TYR: variants seen among roughly 807,000 people sequenced by gnomAD.
TYR encodes the protein tyrosinase, also known as LB24-AB.
A neutral mutation model predicts 51.5 loss-of-function variants in TYR; 58 were observed. That is an observed-to-expected ratio of 1.13 (90% confidence interval 0.91 to 1.40). The LOEUF (loss-of-function observed/expected upper bound fraction) is 1.40, where lower values mean the gene tolerates loss of function less well. Ranked by LOEUF, TYR falls within the 40% of genes most tolerant of loss-of-function variation. TYR has a pLI of 0.00. For missense variants in TYR, 732 were observed against 647.4 expected (o/e 1.13, Z -1.42); for synonymous variants, 263 against 235.2 (o/e 1.12, Z -1.08).
In TYR at chr11:89,295,255, AGGGCTT is replaced by A; in HGVS notation, c.1481_1486del (p.Gly494_Leu495del). ...GGGCCGTCCTCACTGCCCTGCTGGC[AGGGCTT>A]GTGAGCTTGCTGTGTCGTCACAAGA... On this transcript the variant is annotated inframe_deletion, in exon 5 of 5. Transcript: ENST00000263321. 2 of 1,613,946 alleles carry A rather than the reference AGGGCTT, an allele frequency of 1.2e-6. No individual in the cohort carries two copies. The highest frequency in any genetic ancestry group is 1.7e-6 in the Non-Finnish European group (2 of 1,179,848).
At chr11:89,213,289 A>T (rs1356499548) in intron 2 of TYR, among the ~76,000 whole-genome samples, 1 of 152,210 alleles carries the variant, frequency 6.6e-6, no homozygotes, top group African/African-American at 2.4e-5. Context: ...CCTATATACC[A>T]ATAATAGACA....
At chr11:89,228,471 A>C (rs963800694) in intron 3 of TYR, among the ~76,000 whole-genome samples, 3 of 152,188 alleles carry the variant, frequency 2.0e-5, no homozygotes, top group Non-Finnish European at 4.4e-5. Flanking sequence ...AGAGCAAAGA[A>C]TGAAAAAGCA....
At chr11:89,268,768 G>C (rs1944554635) in intron 3 of TYR, among the ~76,000 whole-genome samples, 1 of 151,832 alleles carries the variant, frequency 6.6e-6, no homozygotes, top group South Asian at 2.1e-4. Flanking sequence ...TTCACAGTGT[G>C]ACCCACCTCC....
intron 3 of TYR, among the ~76,000 whole-genome samples, chr11:89,242,719 G>T (rs1944215322): frequency 6.6e-6 from 1 of 152,170 alleles, no homozygotes; most frequent in African/African-American, 2.4e-5. Context: ...CTGTTAATTA[G>T]TATCCCTGGG....
chr11:89,275,539 G>A (rs1415439816), intron 3 of TYR, among the ~76,000 whole-genome samples: 1 of 151,768 alleles, frequency 6.6e-6, no homozygotes, highest in Non-Finnish European at 1.5e-5. Flanking sequence ...CTGTAAAATG[G>A]AATCAATAAA....
Position 89,286,635 on chromosome 11 carries a change from G to A in TYR, c.1366+1681G>A, listed in dbSNP as rs1337077389. Among the ~76,000 whole-genome samples the A allele has an allele frequency of 2.0e-5, 3 of 151,882 alleles. No homozygotes were observed. The East Asian group carries it at 5.8e-4, about 30-fold the overall frequency. On this transcript the variant is annotated intron_variant, in intron 4 of 4. Transcript: ENST00000263321. ...TCATCAACCTTGTTCTGCCCTTTGA[G>A]GGATGATTAATTGAAAAGATATGGG...
intron 3 of TYR, among the ~76,000 whole-genome samples, chr11:89,278,483 A>G (rs1363599982): frequency 6.6e-6 from 1 of 151,678 alleles, no homozygotes; most frequent in Non-Finnish European, 1.5e-5. Flanking sequence ...CTTCTATTAC[A>G]TATGTGTATG....
At chr11:89,237,135 C>A (rs147062460) in intron 3 of TYR, among the ~76,000 whole-genome samples, 1 of 152,140 alleles carries the variant, frequency 6.6e-6, no homozygotes. Context: ...ATTTTGGACA[C>A]ATCAATTATC....
intron 3 of TYR, among the ~76,000 whole-genome samples, chr11:89,263,778 C>A (rs1944490854): frequency 1.3e-5 from 2 of 151,890 alleles, no homozygotes; most frequent in Non-Finnish European, 2.9e-5. Context: ...TAATTTTAAC[C>A]AAATCAGGGC....
intron 3 of TYR, among the ~76,000 whole-genome samples, chr11:89,238,320 T>C (rs1478330512): frequency 6.6e-6 from 1 of 152,182 alleles, no homozygotes; most frequent in Non-Finnish European, 1.5e-5. Flanking sequence ...GTAAGTACAA[T>C]GTGATGTTTT....
At chr11:89,183,704 G>A (rs1358262586) in intron 1 of TYR, among the ~76,000 whole-genome samples, 1 of 151,996 alleles carries the variant, frequency 6.6e-6, no homozygotes, top group African/African-American at 2.4e-5. Context: ...TTTAGGATCT[G>A]ACCTATTGTT....
intron 2 of TYR, among the ~76,000 whole-genome samples, chr11:89,213,527 G>T (rs1325421178): frequency 6.6e-6 from 1 of 152,130 alleles, no homozygotes; most frequent in African/African-American, 2.4e-5. Context: ...ATAATTTACA[G>T]ATCCAATGCT....
intron 1 of TYR, among the ~76,000 whole-genome samples, chr11:89,190,525 G>A (rs867274548): frequency 6.6e-6 from 1 of 152,042 alleles, no homozygotes; most frequent in Admixed American, 6.6e-5. Context: ...TTTAAGCTAA[G>A]TGCTATTATC....
intron 2 of TYR, among the ~76,000 whole-genome samples, chr11:89,204,968 T>G (rs1943652395): frequency 6.6e-6 from 1 of 152,166 alleles, no homozygotes; most frequent in Admixed American, 6.5e-5. Context: ...TGTACCAAGT[T>G]AATAGATTTA....
At chr11:89,254,645 T>C (rs1944367803) in intron 3 of TYR, among the ~76,000 whole-genome samples, 1 of 151,874 alleles carries the variant, frequency 6.6e-6, no homozygotes, top group Non-Finnish European at 1.5e-5. Context: ...TGATCTTTTG[T>C]ATTTCTGTAG....
intron 3 of TYR, among the ~76,000 whole-genome samples, chr11:89,257,171 G>T (rs1162169516): frequency 6.6e-6 from 1 of 151,914 alleles, no homozygotes; most frequent in African/African-American, 2.4e-5. Context: ...AAAGAGAAAT[G>T]CAGCTTACAC....
intron 2 of TYR, among the ~76,000 whole-genome samples, chr11:89,215,677 A>G (rs1471826553): frequency 6.6e-6 from 1 of 152,148 alleles, no homozygotes; most frequent in Non-Finnish European, 1.5e-5. Flanking sequence ...ATTGTGTTGC[A>G]CAGATATATT....
intron 2 of TYR, among the ~76,000 whole-genome samples, chr11:89,224,767 G>A (rs558191100): frequency 5.3e-5 from 8 of 152,224 alleles, no homozygotes; most frequent in African/African-American, 1.9e-4. Context: ...TGGGGAATCC[G>A]AAACATTGGT....
chr11:89,291,793 T>C (rs1944855369), intron 4 of TYR, among the ~76,000 whole-genome samples: 1 of 152,000 alleles, frequency 6.6e-6, no homozygotes, highest in South Asian at 2.1e-4. Flanking sequence ...AATAGGGAAA[T>C]ATTACTATCT....
Sources: gnomAD v4.1 joint callset for allele counts (sites outside exome capture counted in the v4.1 genomes callset) on GRCh38, gnomAD v4.1.1 for gene constraint, MANE v1.5 for transcripts, NCBI Gene and HGNC (gene_info 2026-07-23, HGNC 2026-07-21) for gene names.